Variants in COP1 observed in about 807,000 individuals in gnomAD.
COP1 encodes COP1 E3 ubiquitin ligase.
COP1 carries 24 observed loss-of-function variants against 101.3 expected under a neutral mutation model. That is an observed-to-expected ratio of 0.24 (90% confidence interval 0.17 to 0.33). The LOEUF (loss-of-function observed/expected upper bound fraction) is 0.33, where lower values mean the gene tolerates loss of function less well. COP1 is among the 10% of genes least tolerant of loss of function. The pLI is 1.00. For synonymous variants in COP1, 347 were observed against 341.9 expected, an observed-to-expected ratio of 1.01 and a Z score of -0.17; for missense variants, 663 against 906.2, an observed-to-expected ratio of 0.73 and a Z score of 3.45.
intron 14 of COP1, among the ~76,000 whole-genome samples, chr1:176,036,252 T>C (rs376607127): frequency 1.3e-5 from 2 of 151,480 alleles, no homozygotes; most frequent in South Asian, 2.1e-4. Flanking sequence ...TTCAAAAAAC[T>C]AGAAAGGGGA....
chr1:176,143,123 CGAGAGAGAGAGAGAGCGAGAGAAAGA>C (rs1690977971), intron 6 of COP1, among the ~76,000 whole-genome samples: 1 of 146,722 alleles, frequency 6.8e-6, no homozygotes, highest in Non-Finnish European at 1.5e-5. Flanking sequence ...ACAGAACAAG[CGAGAGAGAGAGAGAGCGAGAGAAAGA>C]GAGAGAGAGA....
At chr1:175,981,401 A>C (rs1220504351) in intron 18 of COP1, among the ~76,000 whole-genome samples, 1 of 152,078 alleles carries the variant, frequency 6.6e-6, no homozygotes, top group Non-Finnish European at 1.5e-5. Flanking sequence ...GCCAGGGAGG[A>C]AGAAAAAAGA....
At chr1:176,066,375 T>C (rs1675966506) in intron 11 of COP1, among the ~76,000 whole-genome samples, 1 of 152,180 alleles carries the variant, frequency 6.6e-6, no homozygotes, top group African/African-American at 2.4e-5. Flanking sequence ...GCCCAGCCAC[T>C]GAACCTGAGA....
intron 2 of COP1, among the ~76,000 whole-genome samples, chr1:176,177,092 A>C (rs1307101577): frequency 6.6e-6 from 1 of 152,180 alleles, no homozygotes; most frequent in East Asian, 1.9e-4. Context: ...TGACTAAATA[A>C]ATTTGTAAAC....
chr1:176,009,129 A>C (rs1664137068), intron 15 of COP1, among the ~76,000 whole-genome samples: 1 of 151,848 alleles, frequency 6.6e-6, no homozygotes, highest in Admixed American at 6.6e-5. Context: ...CTTGACCCCC[A>C]CCTTTGGCTG....
chr1:176,165,369 T>G (rs1558240528), intron 3 of COP1, among the ~76,000 whole-genome samples: 1 of 128,592 alleles, frequency 7.8e-6, no homozygotes, highest in Non-Finnish European at 1.5e-5. Context: ...GTCGTGTGTG[T>G]GTGTGTGTGT....
chr1:176,041,313 G>A (rs1670479707), intron 14 of COP1, among the ~76,000 whole-genome samples: 1 of 151,396 alleles, frequency 6.6e-6, no homozygotes, highest in Admixed American at 6.6e-5. Flanking sequence ...CACTCAAGAA[G>A]AGAAATCAAT....
At chr1:176,193,002 A>C (rs937679493) in intron 1 of COP1, among the ~76,000 whole-genome samples, 12 of 152,214 alleles carry the variant, frequency 7.9e-5, no homozygotes, top group Non-Finnish European at 1.5e-4. Context: ...TGTATATTGC[A>C]TATACCACTA....
chr1:176,012,105 G>A (rs1042663813), intron 15 of COP1, among the ~76,000 whole-genome samples: 14 of 152,310 alleles, frequency 9.2e-5, no homozygotes, highest in African/African-American at 3.4e-4. Flanking sequence ...GACTGCTTGA[G>A]CCCAAGAGTT....
At position 176,116,963 on chromosome 1, in the gene COP1, A is replaced by G. The variant is rs148616514; in HGVS notation, c.969-282T>C. ...GATGTCTATATAGATTTACTTGTTT[A>G]TATTTCATTTTCAGACAGGTTAAGG... On this transcript the variant is annotated intron_variant, in intron 8 of 19. Transcript: ENST00000367669. Among the ~76,000 whole-genome samples the G allele has an allele frequency of 2.7e-4, 41 of 152,336 alleles. No homozygotes were observed. The East Asian group carries it at 6.4e-3, about 24-fold the overall frequency.
intron 9 of COP1, among the ~76,000 whole-genome samples, chr1:176,108,887 G>A (rs1392685871): frequency 1.3e-5 from 2 of 152,074 alleles, no homozygotes; most frequent in African/African-American, 4.8e-5. Flanking sequence ...GCAGAGGCAG[G>A]CAGATCACGA....
intron 15 of COP1, among the ~76,000 whole-genome samples, chr1:176,016,733 T>C (rs1665719516): frequency 6.6e-6 from 1 of 151,112 alleles, no homozygotes; most frequent in Non-Finnish European, 1.5e-5. Context: ...TGAATGACTC[T>C]TTTTTTAAAA....
chr1:176,171,301 T>C lies in COP1; in HGVS notation c.565+4609A>G, dbSNP rs1696026973. The stretch of plus-strand genomic sequence containing the variant: ...TTCTATGTTATGGAGATGGCTGTTT[T>C]CCTTAAATCTCTTGAACCAACGTCT... On this transcript the variant is annotated intron_variant, in intron 3 of 19. Coordinates refer to ENST00000367669, the MANE Select transcript of COP1 (RefSeq NM_022457.7). 3.3e-5 allele frequency among the ~76,000 whole-genome samples: 5 copies of C among 152,282 alleles called. No homozygotes were observed. In the South Asian group the frequency reaches 1.0e-3, roughly 32 times the overall value.
In COP1 at chr1:176,061,977, T is replaced by C. The variant is rs138598520; in HGVS notation, c.1278-15653A>G. ...ATAATATAAAAGGAATTCTCATCACTAAACAAGAGAAAGACCTGATTATTA... is the reference window on the plus strand; with the variant it reads ...ATAATATAAAAGGAATTCTCATCACCAAACAAGAGAAAGACCTGATTATTA... On this transcript the variant is annotated intron_variant, in intron 11 of 19. Coordinates refer to ENST00000367669, the MANE Select transcript of COP1 (RefSeq NM_022457.7). Among the ~76,000 whole-genome samples the C allele has an allele frequency of 2.6e-3, 399 of 152,270 alleles. 3 individuals carry two copies. Among genetic ancestry groups the C allele is most frequent in the African/African-American group, 9.2e-3 (381 of 41,554 alleles).
At chr1:176,061,634 A>AAAAAAG (rs994875124) in intron 11 of COP1, among the ~76,000 whole-genome samples, 1 of 152,306 alleles carries the variant, frequency 6.6e-6, no homozygotes, top group East Asian at 1.9e-4. Flanking sequence ...CTCAAAATAA[A>AAAAAAG]AAAAAGAAAA....
At chr1:176,061,397 T>C (rs6687739) in intron 11 of COP1, among the ~76,000 whole-genome samples, 152,054 of 152,366 alleles carry the variant, frequency 1, 75,874 homozygotes, top group Middle Eastern at 1. Context: ...GAGGCCGAGG[T>C]GGGCAGATCA....
At chr1:175,955,766 C>CCACACACACACACACACAAA (rs149286712) in intron 18 of COP1, among the ~76,000 whole-genome samples, 8,584 of 129,268 alleles carry the variant, frequency 0.066, 399 homozygotes, top group Admixed American at 0.12. Context: ...TAGAGACAAA[C>CCACACACACACACACACAAA]CACACACACA....
chr1:176,127,591 ATGTGTATATATGTGTGTG>A (rs1688224256), intron 8 of COP1, among the ~76,000 whole-genome samples: 1 of 52,006 alleles, frequency 1.9e-5, no homozygotes, highest in Non-Finnish European at 5.2e-5. Context: ...GTGTGTGTGT[ATGTGTATATATGTGTGTG>A]TGTGTATATA....
chr1:176,085,208 T>C (rs1679915896), intron 10 of COP1, among the ~76,000 whole-genome samples: 1 of 152,124 alleles, frequency 6.6e-6, no homozygotes, highest in Admixed American at 6.5e-5. Flanking sequence ...TCCTCTGAAA[T>C]CCCTACACTG....
Sources: gnomAD v4.1 joint callset for allele counts (sites outside exome capture counted in the v4.1 genomes callset) on GRCh38, gnomAD v4.1.1 for gene constraint, MANE v1.5 for transcripts, NCBI Gene and HGNC (gene_info 2026-07-23, HGNC 2026-07-21) for gene names.